LRRC40: variants seen among roughly 807,000 people sequenced by gnomAD.
LRRC40 encodes leucine-rich repeat-containing protein 40.
A neutral mutation model predicts 72.8 loss-of-function variants in LRRC40; 76 were observed. That is an observed-to-expected ratio of 1.04 (90% CI 0.87 to 1.26). The LOEUF is 1.26. LRRC40 is among the 50% of genes most tolerant of loss of function. The pLI, the probability that LRRC40 is intolerant of heterozygous loss-of-function variation, is 0.00. For missense variants in LRRC40, 684 were observed against 698.9 expected, an observed-to-expected ratio of 0.98 and a Z score of 0.24; for synonymous variants, 243 against 254.2, an observed-to-expected ratio of 0.96 and a Z score of 0.42.
intron 4 of LRRC40, among the ~76,000 whole-genome samples, chr1:70,182,817 T>G (rs980019387): frequency 1.8e-4 from 27 of 152,158 alleles, no homozygotes; most frequent in Admixed American, 4.6e-4. Flanking sequence ...AATATATTGT[T>G]GCTCACATTT....
chr1:70,145,876 C>T lies in LRRC40; in HGVS notation c.1733G>A (p.Arg578Gln), dbSNP rs753897370. ...RTLLLDGNPF[R>Q]VPRAAILMKG... ...CATTAATATGGCTGCTCGAGGAACT[C>T]GGAATGGATTTCCATCCAGTAGTAA... The change falls in exon 15 of 15, where the codon CGA becomes CAA. Residue 578 changes from arginine to glutamine, a missense_variant. Arg to Gln is a conservative substitution (Grantham distance 43, BLOSUM62 1). Transcript: ENST00000370952. 17 of 1,605,822 alleles carry T rather than the reference C, an allele frequency of 1.1e-5. No homozygotes were observed. The highest frequency in any genetic ancestry group is 1.7e-5 in the Admixed American group (1 of 59,840).
chr1:70,160,711 C>G (rs1477843139), intron 9 of LRRC40, among the ~76,000 whole-genome samples: 2 of 151,870 alleles, frequency 1.3e-5, no homozygotes, highest in Admixed American at 1.3e-4. Flanking sequence ...TAATTAGCAT[C>G]AAGGAGAATA....
chr1:70,146,642 TA>T (rs1215747620), intron 14 of LRRC40, among the ~76,000 whole-genome samples: 1 of 152,182 alleles, frequency 6.6e-6, no homozygotes, highest in Non-Finnish European at 1.5e-5. Flanking sequence ...GACTGTATAC[TA>T]AATGGTCAAG....
At position 70,151,236 on chromosome 1, in the gene LRRC40, A is replaced by G. The variant is rs1214432651; in HGVS notation, c.1440-31T>C. 4 of 1,057,726 alleles carry G rather than the reference A, an allele frequency of 3.8e-6. No individual in the cohort carries two copies. In the Admixed American group the frequency reaches 5.8e-5, roughly 15 times the overall value. 65.5% of individuals were successfully genotyped at this position (1,057,726 alleles called of 1,614,324 possible). On this transcript the variant is annotated intron_variant, in intron 12 of 14. Coordinates refer to ENST00000370952, the MANE Select transcript of LRRC40 (RefSeq NM_017768.5). ...TTGGAAATCAAAACAGAAGATTTACAAAGTTTGAAAAATTTTACAAGTTTA... is the reference window on the plus strand; with the variant it reads ...TTGGAAATCAAAACAGAAGATTTACGAAGTTTGAAAAATTTTACAAGTTTA...
At chr1:70,176,829 CAT>C (rs1428882545) in intron 6 of LRRC40, among the ~76,000 whole-genome samples, 2 of 152,000 alleles carry the variant, frequency 1.3e-5, no homozygotes, top group Non-Finnish European at 2.9e-5. Context: ...AAAAAAGTTA[CAT>C]ATGTCATGAA....
At position 70,175,890 on chromosome 1, in the gene LRRC40, G is replaced by C. The variant is rs1453069480; in HGVS notation, c.897C>G (p.Asn299Lys). The C allele has an allele frequency of 4.4e-6, 7 of 1,602,804 alleles. No individual in the cohort carries two copies. The Admixed American group carries it at 5.2e-5, about 12-fold the overall frequency. The change falls in exon 7 of 15, where the codon AAC becomes AAG. Residue 299 changes from asparagine (N) to lysine (K), a missense_variant. Physicochemically the swap from Asn to Lys is moderately conservative, Grantham distance 94. Coordinates refer to ENST00000370952, the MANE Select transcript of LRRC40 (RefSeq NM_017768.5). ...NSILVLDLRD[N>K]KLKSVPDEII... is the part of the protein sequence containing the mutation. Reference sequence around the variant, plus strand: ...TTTCATCTGGAACAGATTTTAACTTGTTATCCCTCAGGTCTAGCACAAGAA... The same window carrying C: ...TTTCATCTGGAACAGATTTTAACTTCTTATCCCTCAGGTCTAGCACAAGAA...
At chr1:70,165,004 CCT>C (rs1667851337) in intron 9 of LRRC40, among the ~76,000 whole-genome samples, 1 of 152,058 alleles carries the variant, frequency 6.6e-6, no homozygotes, top group Non-Finnish European at 1.5e-5. Flanking sequence ...CACAATGCTA[CCT>C]CATGAAATTG....
intron 10 of LRRC40, among the ~76,000 whole-genome samples, chr1:70,158,099 C>CAAAA (rs35925333): frequency 1.0e-4 from 2 of 19,214 alleles, no homozygotes; most frequent in Non-Finnish European, 1.9e-4. Flanking sequence ...GACCCTGCCT[C>CAAAA]AAAAAAAAAA....
At chr1:70,190,790 A>G (rs1668484122) in intron 1 of LRRC40, among the ~76,000 whole-genome samples, 1 of 151,674 alleles carries the variant, frequency 6.6e-6, no homozygotes, top group African/African-American at 2.4e-5. Context: ...CTGATTATGT[A>G]TTCTCTGCTT....
Position 70,181,178 on chromosome 1 carries a change from G to A in LRRC40, c.569C>T (p.Pro190Leu). ...DLSNNHLTTVPASFSSLSSLV... is the reference protein window; with the variant it reads ...DLSNNHLTTVLASFSSLSSLV... ...ACTGGACAGAGAAGAAAAACTAGCAGGAACAGTTGTAAGATGATTGTTTGA... is the reference window on the plus strand; with the variant it reads ...ACTGGACAGAGAAGAAAAACTAGCAAGAACAGTTGTAAGATGATTGTTTGA... Residue 190 changes from proline to leucine, a missense_variant, in exon 5 of 15, where the codon CCT becomes CTT. Physicochemically the swap from Pro to Leu is moderately conservative, Grantham distance 98. Transcript: ENST00000370952. 6.3e-7 allele frequency: 1 copy of A among 1,589,194 alleles called. No individual in the cohort carries two copies. Among genetic ancestry groups the A allele is most frequent in the Non-Finnish European group, 8.6e-7 (1 of 1,169,420 alleles).
At chr1:70,155,826 C>T (rs776171725) in intron 10 of LRRC40, 30 bp from the exon 11 acceptor site, 4 of 1,008,370 alleles carry the variant, frequency 4.0e-6, no homozygotes, top group East Asian at 5.2e-5. Flanking sequence ...AAAAAACGAA[C>T]CATTCTTAGC....
intron 1 of LRRC40, among the ~76,000 whole-genome samples, chr1:70,191,712 T>C (rs1009530989): frequency 5.3e-5 from 8 of 152,198 alleles, no homozygotes; most frequent in African/African-American, 1.7e-4. Context: ...ATATATAGTC[T>C]TAATTATTAA....
At chr1:70,205,286 C>G in intron 1 of LRRC40, 104 bp downstream of exon 1, 1 of 1,101,516 alleles carries the variant, frequency 9.1e-7, no homozygotes, top group Non-Finnish European at 1.3e-6. Context: ...TTCTGGCTAG[C>G]AGTCTGAGAA....
intron 6 of LRRC40, among the ~76,000 whole-genome samples, chr1:70,177,908 C>T (rs1462753837): frequency 6.6e-6 from 1 of 152,188 alleles, no homozygotes; most frequent in African/African-American, 2.4e-5. Context: ...AACACGAGGA[C>T]AATGAAGATG....
At chr1:70,153,972 C>CAAAAAAAAAAAAAAAAA (rs1042976831) in intron 11 of LRRC40, among the ~76,000 whole-genome samples, 1 of 58,186 alleles carries the variant, frequency 1.7e-5, no homozygotes, top group East Asian at 4.3e-4. Flanking sequence ...GATCCTGTCT[C>CAAAAAAAAAAAAAAAAA]AAAAAAAAAA....
chr1:70,176,045 T>C, intron 6 of LRRC40, 63 bp from the exon 7 acceptor site: 1 of 1,022,584 alleles, frequency 9.8e-7, no homozygotes, highest in Non-Finnish European at 1.3e-6. Flanking sequence ...ATAATGAAAA[T>C]AAAATTGTAG....
At chr1:70,158,082 A>C (rs902043173) in intron 10 of LRRC40, among the ~76,000 whole-genome samples, 1 of 144,302 alleles carries the variant, frequency 6.9e-6, no homozygotes, top group Non-Finnish European at 1.5e-5. Context: ...CCTGGGCAAC[A>C]GAGCAAGACC....
intron 1 of LRRC40, among the ~76,000 whole-genome samples, chr1:70,196,580 A>T (rs1367102216): frequency 6.6e-6 from 1 of 152,138 alleles, no homozygotes; most frequent in Non-Finnish European, 1.5e-5. Context: ...AACTGATGTA[A>T]ACAACATGGA....
chr1:70,176,012 C>A, intron 6 of LRRC40, 30 bp from the exon 7 acceptor site: 1 of 1,389,012 alleles, frequency 7.2e-7, no homozygotes, highest in South Asian at 1.6e-5. Flanking sequence ...TTATGTGTAT[C>A]TCTGTATTCA....
Sources: gnomAD v4.1 joint callset for allele counts (sites outside exome capture counted in the v4.1 genomes callset) on GRCh38, gnomAD v4.1.1 for gene constraint, MANE v1.5 for transcripts, NCBI Gene and HGNC (gene_info 2026-07-23, HGNC 2026-07-21) for gene names.